WDPCP: variants seen among roughly 807,000 people sequenced by gnomAD.
WDPCP encodes WD repeat-containing and planar cell polarity effector protein fritz homolog.
WDPCP carries 71 observed loss-of-function variants against 93.1 expected under a neutral mutation model. That is an observed-to-expected ratio of 0.76 (90% CI 0.63 to 0.93). The LOEUF is 0.93. Ranked by LOEUF, WDPCP falls within the 40% of genes least tolerant of loss-of-function variation. The probability of loss-of-function intolerance (pLI) is 0.00; values close to 1 mark genes in which losing one functional copy is unlikely to be tolerated. For missense variants in WDPCP, 844 were observed against 887.4 expected (o/e 0.95, Z 0.62); for synonymous variants, 315 against 315.0 (o/e 1.00, Z 0.00).
intron 9 of WDPCP, among the ~76,000 whole-genome samples, chr2:63,422,704 G>C (rs1260832641): frequency 6.6e-6 from 1 of 152,148 alleles, no homozygotes; most frequent in African/African-American, 2.4e-5. Context: ...GAGAAAATAT[G>C]AAATTATGTG....
In WDPCP at chr2:63,404,533, C is replaced by A; in HGVS notation, c.950G>T (p.Cys317Phe). Residue 317 changes from cysteine to phenylalanine, a missense_variant, in exon 10 of 18, where the codon TGC becomes TTC. Transcript: ENST00000272321. ...TTTATTCCGAATGCATTCATAGATGCAGCTGTCAGCCATGGGCTCTTTGTC... is the reference window on the plus strand; with the variant it reads ...TTTATTCCGAATGCATTCATAGATGAAGCTGTCAGCCATGGGCTCTTTGTC... ...SVDKEPMADS[C>F]IYECIRNKIQ... 1 of 1,613,524 alleles carries A rather than the reference C, an allele frequency of 6.2e-7. No homozygotes were observed. Among genetic ancestry groups the A allele is most frequent in the South Asian group, 1.1e-5 (1 of 91,022 alleles).
chr2:63,562,955 G>A (rs908582271), intron 1 of WDPCP, among the ~76,000 whole-genome samples: 3 of 152,094 alleles, frequency 2.0e-5, no homozygotes, highest in Non-Finnish European at 4.4e-5. Flanking sequence ...AAATAGAGAT[G>A]TGGACACTAG....
intron 14 of WDPCP, among the ~76,000 whole-genome samples, chr2:63,188,930 C>G (rs1674834950): frequency 6.6e-6 from 1 of 152,116 alleles, no homozygotes; most frequent in Non-Finnish European, 1.5e-5. Flanking sequence ...TTATGAACTA[C>G]TTTTACTTAG....
At chr2:63,417,524 AATGAAAATAATGTCT>A (rs939087348) in intron 9 of WDPCP, among the ~76,000 whole-genome samples, 4 of 151,750 alleles carry the variant, frequency 2.6e-5, no homozygotes, top group African/African-American at 7.2e-5. Context: ...TCTATGAAAT[AATGAAAATAATGTCT>A]ATGAAAATAA....
intron 12 of WDPCP, among the ~76,000 whole-genome samples, chr2:63,317,408 C>A (rs369979805): frequency 1.6e-4 from 22 of 134,996 alleles, no homozygotes; most frequent in Admixed American, 3.0e-4. Context: ...AACTACATCT[C>A]AAAAAAAAAA....
intron 1 of WDPCP, among the ~76,000 whole-genome samples, chr2:63,543,975 A>G (rs1704942785): frequency 6.6e-6 from 1 of 152,056 alleles, no homozygotes; most frequent in Non-Finnish European, 1.5e-5. Context: ...TGGTTAGCTG[A>G]GCTTAAAATG....
intron 14 of WDPCP, among the ~76,000 whole-genome samples, chr2:63,219,194 A>G (rs928329894): frequency 6.6e-6 from 1 of 152,204 alleles, no homozygotes; most frequent in Non-Finnish European, 1.5e-5. Context: ...CTGGGCATTA[A>G]GACAAAAGAA....
At chr2:63,556,366 C>T (rs967019516) in intron 1 of WDPCP, among the ~76,000 whole-genome samples, 10 of 152,074 alleles carry the variant, frequency 6.6e-5, no homozygotes, top group African/African-American at 2.2e-4. Flanking sequence ...TCCGAACCTG[C>T]GATTGATTGG....
intron 1 of WDPCP, among the ~76,000 whole-genome samples, chr2:63,527,222 CTTT>C (rs71393312): frequency 2.9e-5 from 4 of 138,504 alleles, no homozygotes; most frequent in African/African-American, 5.3e-5. Context: ...GGCAGGCATG[CTTT>C]TTTTTTTTTT....
rs567491943 is a variant in WDPCP at position 63,297,822 on chromosome 2, C to G, written c.1812+15426G>C. On this transcript the variant is annotated intron_variant, in intron 13 of 17. Transcript: ENST00000272321. ...ACAACATTCAGTTTTAACTAATGCA[C>G]AGGTTCTACCCAGGGCAGCAGTTAA... is the stretch of plus-strand genomic sequence containing the variant. Among the ~76,000 whole-genome samples the G allele has an allele frequency of 7.2e-5, 11 of 152,278 alleles. 1 individual carries two copies. In the South Asian group the frequency reaches 2.3e-3, roughly 32 times the overall value.
chr2:63,352,376 G>A (rs1214187135), intron 12 of WDPCP, among the ~76,000 whole-genome samples: 1 of 151,970 alleles, frequency 6.6e-6, no homozygotes, highest in South Asian at 2.1e-4. Context: ...TATCTAAAAG[G>A]CAAGAATGAT....
At chr2:63,208,446 T>C (rs1676503407) in intron 14 of WDPCP, among the ~76,000 whole-genome samples, 1 of 152,210 alleles carries the variant, frequency 6.6e-6, no homozygotes, top group Admixed American at 6.5e-5. Flanking sequence ...ACATTCTTTT[T>C]CCTTTTCCCC....
chr2:63,408,719 G>C (rs1465688232), intron 9 of WDPCP, among the ~76,000 whole-genome samples: 1 of 152,290 alleles, frequency 6.6e-6, no homozygotes, highest in East Asian at 1.9e-4. Context: ...GAGGCAGTGA[G>C]AGTGAGACAG....
At chr2:63,195,110 T>G (rs1168264720) in intron 14 of WDPCP, among the ~76,000 whole-genome samples, 1 of 152,200 alleles carries the variant, frequency 6.6e-6, no homozygotes, top group Non-Finnish European at 1.5e-5. Flanking sequence ...AGAAATTTTT[T>G]CTTTTAGAGT....
At chr2:63,144,230 A>G (rs1671303645) in intron 17 of WDPCP, among the ~76,000 whole-genome samples, 1 of 151,938 alleles carries the variant, frequency 6.6e-6, no homozygotes, top group Non-Finnish European at 1.5e-5. Flanking sequence ...GTTCAATTCT[A>G]TTGGTGAGAC....
the WDPCP span, among the ~76,000 whole-genome samples, chr2:63,837,340 G>A: frequency 6.6e-6 from 1 of 152,200 alleles, no homozygotes; most frequent in Non-Finnish European, 1.5e-5. Context: ...ACTGGCAACT[G>A]CTGACTGAGT....
intron 2 of WDPCP, among the ~76,000 whole-genome samples, chr2:63,781,051 G>C (rs975037512): frequency 6.6e-6 from 1 of 152,204 alleles, no homozygotes; most frequent in Non-Finnish European, 1.5e-5. Context: ...AACCAGGTCT[G>C]TTACAGAATT....
chr2:63,745,092 C>T (rs936114273), intron 2 of WDPCP, among the ~76,000 whole-genome samples: 5 of 152,000 alleles, frequency 3.3e-5, no homozygotes, highest in African/African-American at 1.2e-4. Context: ...TTTAATATAT[C>T]CATATATCAA....
chr2:63,408,661 C>T (rs1191322729), intron 9 of WDPCP, among the ~76,000 whole-genome samples: 1 of 152,138 alleles, frequency 6.6e-6, no homozygotes, highest in Non-Finnish European at 1.5e-5. Flanking sequence ...GGCAAGTTTT[C>T]AAGCCTGGCT....
Sources: gnomAD v4.1 joint callset for allele counts (sites outside exome capture counted in the v4.1 genomes callset) on GRCh38, gnomAD v4.1.1 for gene constraint, MANE v1.5 for transcripts, NCBI Gene and HGNC (gene_info 2026-07-23, HGNC 2026-07-21) for gene names.